ARB2A: variants seen among roughly 807,000 people sequenced by gnomAD.
The protein encoded by ARB2A is cotranscriptional regulator ARB2A.
the ARB2A span, among the ~76,000 whole-genome samples, chr5:93,706,356 T>C: frequency 1.3e-5 from 2 of 152,186 alleles, no homozygotes; most frequent in African/African-American, 2.4e-5. Flanking sequence ...ATGCACAGAA[T>C]CACTGAAGCA....
the ARB2A span, among the ~76,000 whole-genome samples, chr5:93,826,809 T>C: frequency 7.3e-6 from 1 of 137,920 alleles, no homozygotes; most frequent in Admixed American, 8.3e-5. Flanking sequence ...TGTGTTCTCA[T>C]TGTTCAATTC....
At chr5:93,931,382 T>C in the ARB2A span, among the ~76,000 whole-genome samples, 1 of 152,106 alleles carries the variant, frequency 6.6e-6, no homozygotes, top group African/African-American at 2.4e-5. Context: ...GAAAATCACT[T>C]GAACCCAGGA....
chr5:93,854,717 C>T, the ARB2A span, among the ~76,000 whole-genome samples: 1 of 152,030 alleles, frequency 6.6e-6, no homozygotes, highest in Non-Finnish European at 1.5e-5. Context: ...TTTTATGTAC[C>T]CAGTAGTCAT....
At chr5:93,887,425 A>G in the ARB2A span, among the ~76,000 whole-genome samples, 3 of 151,842 alleles carry the variant, frequency 2.0e-5, no homozygotes, top group Non-Finnish European at 4.4e-5. Flanking sequence ...TAAACTGAAT[A>G]TAACTTTTCT....
chr5:93,680,713 G>T, the ARB2A span, among the ~76,000 whole-genome samples: 2 of 152,144 alleles, frequency 1.3e-5, no homozygotes, highest in East Asian at 3.9e-4. Flanking sequence ...TCTCATGAGG[G>T]AAAGAGGATT....
the ARB2A span, among the ~76,000 whole-genome samples, chr5:93,731,225 T>G: frequency 6.6e-6 from 1 of 152,116 alleles, no homozygotes; most frequent in Non-Finnish European, 1.5e-5. Flanking sequence ...TATTTGGAGA[T>G]AGGATCTTTA....
chr5:93,694,672 T>A, the ARB2A span, among the ~76,000 whole-genome samples: 8 of 152,096 alleles, frequency 5.3e-5, no homozygotes, highest in African/African-American at 1.2e-4. Context: ...TTTCTTCACA[T>A]AATTAGAAAA....
chr5:93,758,939 A>C, the ARB2A span, among the ~76,000 whole-genome samples: 1 of 152,210 alleles, frequency 6.6e-6, no homozygotes. Flanking sequence ...AAACAATACA[A>C]AAAATAAATG....
chr5:93,810,609 T>G, the ARB2A span, among the ~76,000 whole-genome samples: 2 of 152,090 alleles, frequency 1.3e-5, no homozygotes, highest in African/African-American at 4.8e-5. Context: ...TTACTATGTT[T>G]TCGGGGCTGG....
At chr5:93,948,607 T>C in the ARB2A span, among the ~76,000 whole-genome samples, 2 of 152,258 alleles carry the variant, frequency 1.3e-5, no homozygotes, top group East Asian at 3.9e-4. Flanking sequence ...TGAATGGTAA[T>C]GCCTAGGTTT....
At chr5:93,775,056 C>CTG in the ARB2A span, among the ~76,000 whole-genome samples, 2 of 151,588 alleles carry the variant, frequency 1.3e-5, no homozygotes, top group East Asian at 1.9e-4. Flanking sequence ...ATGTCTGTCT[C>CTG]TGTGTGTGTG....
At chr5:94,095,713 A>G in the ARB2A span, among the ~76,000 whole-genome samples, 2 of 151,942 alleles carry the variant, frequency 1.3e-5, no homozygotes, top group East Asian at 1.9e-4. Flanking sequence ...ACTTCCATCT[A>G]TCATAATACA....
chr5:93,741,489 C>A, the ARB2A span: 1 of 1,612,960 alleles, frequency 6.2e-7, no homozygotes, highest in Non-Finnish European at 8.5e-7. Context: ...CCCGCAGGGG[C>A]ATCGGCCCTC....
the ARB2A span, among the ~76,000 whole-genome samples, chr5:93,859,339 T>C: frequency 0.012 from 1,893 of 152,072 alleles, 48 homozygotes; most frequent in African/African-American, 0.043. Flanking sequence ...GAAATTGGAT[T>C]CATACCTAAC....
the ARB2A span, among the ~76,000 whole-genome samples, chr5:93,917,841 G>A: frequency 1.3e-5 from 2 of 152,148 alleles, no homozygotes; most frequent in Non-Finnish European, 2.9e-5. Flanking sequence ...TTGCACCACT[G>A]CACTCAAGCC....
At chr5:94,006,535 AAGATC>A in the ARB2A span, among the ~76,000 whole-genome samples, 1 of 152,194 alleles carries the variant, frequency 6.6e-6, no homozygotes, top group African/African-American at 2.4e-5. Context: ...AAACAGGATA[AAGATC>A]CACAAGCAAT....
the ARB2A span, among the ~76,000 whole-genome samples, chr5:93,744,074 G>A: frequency 6.6e-6 from 1 of 152,178 alleles, no homozygotes; most frequent in Non-Finnish European, 1.5e-5. Context: ...AGTTCAAATA[G>A]ATGTGAGCAA....
chr5:93,766,249 G>A, the ARB2A span, among the ~76,000 whole-genome samples: 375 of 152,158 alleles, frequency 2.5e-3, 1 homozygote, highest in African/African-American at 8.7e-3. Flanking sequence ...GAGTCAACAG[G>A]CAACCTACAA....
chr5:93,898,648 C>A, the ARB2A span, among the ~76,000 whole-genome samples: 220 of 152,144 alleles, frequency 1.4e-3, no homozygotes, highest in African/African-American at 4.0e-3. Context: ...GGTCACCTTT[C>A]TTCTGAGTCA....
Sources: allele counts gnomAD v4.1 joint callset (sites outside exome capture counted in the v4.1 genomes callset), GRCh38; gene constraint gnomAD v4.1.1; transcripts MANE v1.5; gene names NCBI Gene and HGNC (gene_info 2026-07-23, HGNC 2026-07-21).